The following CDK14 variants were observed in gnomAD, a reference collection of about 807,000 sequenced individuals.
CDK14 encodes cyclin dependent kinase 14.
CDK14 carries 34 observed loss-of-function variants against 60.7 expected under a neutral mutation model. That is an observed-to-expected ratio of 0.56 (90% CI 0.43 to 0.75). The LOEUF (loss-of-function observed/expected upper bound fraction) is 0.75, where lower values mean the gene tolerates loss of function less well. Among genes scored for constraint, CDK14 ranks in the 30% least tolerant of loss-of-function variants. The pLI, the probability that CDK14 is intolerant of heterozygous loss-of-function variation, is 0.00. For missense variants in CDK14, 482 were observed against 564.1 expected (o/e 0.85, Z 1.47); for synonymous variants, 197 against 203.7 (o/e 0.97, Z 0.28).
chr7:90,979,971 A>C, intron 9 of CDK14, among the ~76,000 whole-genome samples: 1 of 152,020 alleles, frequency 6.6e-6, no homozygotes, highest in Non-Finnish European at 1.5e-5. Flanking sequence ...TTTTTTAGTT[A>C]TAATTTTATA....
chr7:90,978,261 G>A (rs547688304), intron 9 of CDK14, among the ~76,000 whole-genome samples: 27 of 152,230 alleles, frequency 1.8e-4, no homozygotes, highest in South Asian at 1.0e-3. Context: ...GAGGTCAGCC[G>A]CACAGCATGC....
intron 3 of CDK14, among the ~76,000 whole-genome samples, chr7:90,738,567 C>T (rs1172588723): frequency 6.6e-6 from 1 of 152,190 alleles, no homozygotes; most frequent in Non-Finnish European, 1.5e-5. Context: ...AAAGTGTTAA[C>T]ATCATCTCAT....
At chr7:90,774,012 T>G (rs1023043416) in intron 4 of CDK14, among the ~76,000 whole-genome samples, 2 of 151,158 alleles carry the variant, frequency 1.3e-5, no homozygotes, top group African/African-American at 4.9e-5. Flanking sequence ...CAAATGATTC[T>G]CCTGCCCCAG....
chr7:90,969,649 A>C (rs1054262554), intron 9 of CDK14, among the ~76,000 whole-genome samples: 17 of 152,208 alleles, frequency 1.1e-4, no homozygotes, highest in African/African-American at 4.1e-4. Context: ...TGCCTGGACT[A>C]TGCTTATTCC....
intron 3 of CDK14, among the ~76,000 whole-genome samples, chr7:90,729,066 T>C (rs1185518291): frequency 1.3e-5 from 2 of 151,810 alleles, no homozygotes; most frequent in Non-Finnish European, 2.9e-5. Context: ...GTATGACTCT[T>C]CAATCTGATA....
intron 12 of CDK14, among the ~76,000 whole-genome samples, chr7:91,110,143 A>T (rs1451534426): frequency 6.6e-6 from 1 of 152,132 alleles, no homozygotes; most frequent in Non-Finnish European, 1.5e-5. Context: ...AGGTAGACCG[A>T]AAAAAGAGGT....
rs571543169 is a variant in CDK14, at chr7:91,097,886, TC to T, written c.1155-14654del. Among the ~76,000 whole-genome samples, 8 of 152,310 alleles carry T rather than the reference TC, an allele frequency of 5.3e-5. No homozygotes were observed. The East Asian group carries it at 1.5e-3, about 29-fold the overall frequency. On this transcript the variant is annotated intron_variant, in intron 12 of 14. Coordinates refer to ENST00000380050, the MANE Select transcript of CDK14 (RefSeq NM_001287135.2). The stretch of plus-strand genomic sequence containing the variant: ...TTCCCCCAGTATTTAGAACAAGGGT[TC>T]CATCTCCTGGCTGGCCATGTCTTCT...
intron 2 of CDK14, among the ~76,000 whole-genome samples, chr7:90,651,755 A>G (rs1292047399): frequency 1.3e-5 from 2 of 149,878 alleles, no homozygotes; most frequent in Non-Finnish European, 3.0e-5. Context: ...TTTTTTTTTC[A>G]TTTTTTTAAT....
rs575112384 is a variant in CDK14, at chr7:90,839,594, C to T, written c.545-23581C>T. 2.0e-5 allele frequency among the ~76,000 whole-genome samples: 3 copies of T among 152,252 alleles called. No homozygotes were observed. The East Asian group carries it at 5.8e-4, about 29-fold the overall frequency. On this transcript the variant is annotated intron_variant, in intron 5 of 14. Transcript: ENST00000380050. ...TTAAAAACAAATGGCAAATTTGTGCCTCAGGAGTCTTGTGAAAACAACATA... is the reference window on the plus strand; with the variant it reads ...TTAAAAACAAATGGCAAATTTGTGCTTCAGGAGTCTTGTGAAAACAACATA...
chr7:90,974,157 T>C (rs899018171), intron 9 of CDK14, among the ~76,000 whole-genome samples: 3 of 152,152 alleles, frequency 2.0e-5, no homozygotes, highest in Non-Finnish European at 2.9e-5. Context: ...TAACCATCTA[T>C]AGGCTTTCTA....
intron 3 of CDK14, among the ~76,000 whole-genome samples, chr7:90,729,318 ATG>A (rs1802759584): frequency 1.0e-5 from 1 of 98,346 alleles, no homozygotes; most frequent in African/African-American, 3.8e-5. Flanking sequence ...TTACTGGCTT[ATG>A]CCTTGGATCA....
chr7:91,091,998 T>C (rs1402286505), intron 12 of CDK14, among the ~76,000 whole-genome samples: 4 of 152,128 alleles, frequency 2.6e-5, no homozygotes, highest in African/African-American at 4.8e-5. Flanking sequence ...TTATAAGTAG[T>C]TGGACCCCAG....
intron 9 of CDK14, among the ~76,000 whole-genome samples, chr7:90,974,731 T>G (rs1795020338): frequency 6.6e-6 from 1 of 152,130 alleles, no homozygotes. Context: ...ATTGACTGAG[T>G]ATAGTCCCTT....
At chr7:91,102,976 G>A (rs910284170) in intron 12 of CDK14, among the ~76,000 whole-genome samples, 16 of 152,182 alleles carry the variant, frequency 1.1e-4, no homozygotes, top group Admixed American at 3.3e-4. Context: ...CCTTCCGGCC[G>A]GGTGCGATAG....
At chr7:91,129,655 C>A (rs566433072) in intron 14 of CDK14, among the ~76,000 whole-genome samples, 6 of 151,998 alleles carry the variant, frequency 3.9e-5, no homozygotes, top group Non-Finnish European at 7.4e-5. Flanking sequence ...CAGAAAGGAA[C>A]CAAAAATGAG....
chr7:91,070,349 T>C (rs973046374), intron 11 of CDK14, among the ~76,000 whole-genome samples: 2 of 152,168 alleles, frequency 1.3e-5, no homozygotes, highest in African/African-American at 2.4e-5. Flanking sequence ...GTTTCTAGAA[T>C]AAGAGCTCCG....
chr7:91,150,453 A>G (rs758026996), intron 14 of CDK14, among the ~76,000 whole-genome samples: 3 of 152,180 alleles, frequency 2.0e-5, no homozygotes, highest in Non-Finnish European at 4.4e-5. Context: ...AGATTGGTCT[A>G]AAAGGACTAG....
intron 10 of CDK14, among the ~76,000 whole-genome samples, chr7:91,033,228 A>G (rs970903329): frequency 1.3e-5 from 2 of 152,244 alleles, no homozygotes; most frequent in Non-Finnish European, 2.9e-5. Context: ...GTAGAAGAGC[A>G]GGTGCCTAGA....
At chr7:90,600,620 C>T (rs980126667) in intron 1 of CDK14, among the ~76,000 whole-genome samples, 1 of 152,142 alleles carries the variant, frequency 6.6e-6, no homozygotes, top group African/African-American at 2.4e-5. Flanking sequence ...ATTCTAGAGT[C>T]CAGTTGTCAT....
Sources: gnomAD v4.1 joint callset for allele counts (sites outside exome capture counted in the v4.1 genomes callset) on GRCh38, gnomAD v4.1.1 for gene constraint, MANE v1.5 for transcripts, NCBI Gene and HGNC (gene_info 2026-07-23, HGNC 2026-07-21) for gene names.